Variants in LNP1 observed in about 807,000 individuals in gnomAD.
LNP1 encodes the protein leukemia NUP98 fusion partner 1.
LNP1 carries 12 observed loss-of-function variants against 14.5 expected under a neutral mutation model. That is an observed-to-expected ratio of 0.83 (90% confidence interval 0.53 to 1.34). The LOEUF is 1.34. Ranked by LOEUF, LNP1 falls within the 40% of genes most tolerant of loss-of-function variation. The probability of loss-of-function intolerance (pLI) is 0.00; values close to 1 mark genes in which losing one functional copy is unlikely to be tolerated. For synonymous variants in LNP1, 75 were observed against 71.4 expected, an observed-to-expected ratio of 1.05 and a Z score of -0.26; for missense variants, 198 against 210.9, an observed-to-expected ratio of 0.94 and a Z score of 0.38.
Position 100,401,811 on chromosome 3 carries a change from G to C in LNP1, c.-662G>C, listed in dbSNP as rs567863514. 6.6e-6 allele frequency: 1 copy of C among 152,358 alleles called. No individual in the cohort carries two copies. Among genetic ancestry groups the C allele is most frequent in the African/African-American group, 2.4e-5 (1 of 41,572 alleles). The allele number at this position is 152,358 out of a possible 1,614,324, so 9.4% of individuals were successfully genotyped here. ...CATCTAGGTTGGCTGCAGTCGAAAC[G>C]GTTTGAGCGTGGTCGCTGTGGCTCA... On this transcript the variant is annotated 5_prime_UTR_variant, in exon 1 of 4. Coordinates refer to ENST00000383693, the MANE Select transcript of LNP1 (RefSeq NM_001085451.2).
intron 1 of LNP1, among the ~76,000 whole-genome samples, chr3:100,425,316 T>C (rs1330596607): frequency 6.6e-6 from 1 of 152,238 alleles, no homozygotes; most frequent in African/African-American, 2.4e-5. Context: ...AAGGACTGCC[T>C]GAAGGCAGTT....
intron 1 of LNP1, among the ~76,000 whole-genome samples, chr3:100,415,288 T>C (rs1360922974): frequency 6.6e-6 from 1 of 151,968 alleles, no homozygotes; most frequent in South Asian, 2.1e-4. Context: ...CTCCTATAGA[T>C]CAATAAGAAA....
At chr3:100,424,001 T>C (rs1292257742) in intron 1 of LNP1, among the ~76,000 whole-genome samples, 1 of 152,166 alleles carries the variant, frequency 6.6e-6, no homozygotes, top group African/African-American at 2.4e-5. Flanking sequence ...ACTTGACACT[T>C]TCTGCTAGTG....
chr3:100,439,609 C>T (rs900069954), intron 2 of LNP1, among the ~76,000 whole-genome samples: 2 of 152,146 alleles, frequency 1.3e-5, no homozygotes, highest in African/African-American at 2.4e-5. Flanking sequence ...TCCTCTACCC[C>T]CCTAACACCC....
At position 100,451,802 on chromosome 3, in the gene LNP1, C is replaced by CATTCTCATGAGGACCAAGAATTTCGATTA; in HGVS notation, c.240_241insATTCTCATGAGGACCAAGAATTTCGATTA (p.His81IlefsTer73). ...AGGACCAAGAATTTCGATGCCGTAGCCACGTACGGGATTACAGAAAATACT... is the reference window on the plus strand; with the variant it reads ...AGGACCAAGAATTTCGATGCCGTAGCATTCTCATGAGGACCAAGAATTTCGATTACACGTACGGGATTACAGAAAATACT... On this transcript the variant is annotated frameshift_variant, in exon 3 of 4. Coordinates refer to ENST00000383693, the MANE Select transcript of LNP1 (RefSeq NM_001085451.2). LOFTEE classifies it high-confidence loss of function. 1.4e-6 allele frequency: 1 copy of CATTCTCATGAGGACCAAGAATTTCGATTA among 738,832 alleles called. No homozygotes were observed. The highest frequency in any genetic ancestry group is 4.2e-5 in the Admixed American group (1 of 23,838). The allele number at this position is 738,832 out of a possible 1,614,324, so 45.8% of individuals were successfully genotyped here.
intron 1 of LNP1, among the ~76,000 whole-genome samples, chr3:100,411,034 C>A (rs2148899148): frequency 6.6e-6 from 1 of 152,198 alleles, no homozygotes; most frequent in East Asian, 1.9e-4. Flanking sequence ...GCTGAAGGGG[C>A]AAGGCTACCC....
At chr3:100,447,036 G>A (rs1000315594) in intron 2 of LNP1, among the ~76,000 whole-genome samples, 1 of 152,104 alleles carries the variant, frequency 6.6e-6, no homozygotes, top group Non-Finnish European at 1.5e-5. Flanking sequence ...TGGAAGACAG[G>A]GCGGCAATTC....
intron 1 of LNP1, among the ~76,000 whole-genome samples, chr3:100,408,960 T>G (rs996680905): frequency 3.9e-5 from 6 of 152,340 alleles, no homozygotes; most frequent in Middle Eastern, 3.4e-3. Flanking sequence ...ACATAGATAG[T>G]TGTTCAAATT....
intron 3 of LNP1, 130 bp downstream of exon 3, chr3:100,452,079 A>G (rs1707465517): frequency 3.6e-6 from 2 of 559,298 alleles, no homozygotes; most frequent in African/African-American, 3.8e-5. Flanking sequence ...TCTTTGAAAA[A>G]TGACATTCAG....
chr3:100,451,664 T>C (rs146897663), intron 2 of LNP1, 55 bp from the exon 3 acceptor site: 183 of 868,778 alleles, frequency 2.1e-4, no homozygotes, highest in African/African-American at 1.6e-3. Flanking sequence ...TCTGCCTCTG[T>C]GCTAACATTG....
At chr3:100,433,773 T>C (rs192973538) in intron 2 of LNP1, among the ~76,000 whole-genome samples, 1 of 152,368 alleles carries the variant, frequency 6.6e-6, no homozygotes. Context: ...TGGTGTGAGA[T>C]GGTATCTCAT....
chr3:100,426,087 C>G (rs1486612861), intron 1 of LNP1, among the ~76,000 whole-genome samples: 1 of 152,226 alleles, frequency 6.6e-6, no homozygotes, highest in African/African-American at 2.4e-5. Context: ...GTGCTCTCCC[C>G]TAGCTTGCAG....
chr3:100,438,837 G>A (rs1249521222), intron 2 of LNP1, among the ~76,000 whole-genome samples: 2 of 152,128 alleles, frequency 1.3e-5, no homozygotes, highest in African/African-American at 2.4e-5. Context: ...AGCAACCCAG[G>A]TGCTACAGCG....
intron 2 of LNP1, among the ~76,000 whole-genome samples, chr3:100,450,547 G>T (rs1707428193): frequency 6.6e-6 from 1 of 152,200 alleles, no homozygotes; most frequent in South Asian, 2.1e-4. Flanking sequence ...ATGTTGGCCA[G>T]GCTGGTCTTG....
At position 100,451,823 on chromosome 3, in the gene LNP1, A is replaced by C. The variant is rs1327615182; in HGVS notation, c.261A>C (p.Lys87Asn). Residue 87 changes from lysine to asparagine, a missense_variant, in exon 3 of 4, where the codon AAA becomes AAC. Transcript: ENST00000383693. ...GTAGCCACGTACGGGATTACAGAAA[A>C]TACTCAGAGGATGGGTCATTCAAGG... ...RCRSHVRDYR[K>N]YSEDGSFKEP... 2.9e-6 allele frequency: 3 copies of C among 1,019,702 alleles called. No individual in the cohort carries two copies. Among genetic ancestry groups the C allele is most frequent in the Non-Finnish European group, 3.8e-6 (3 of 791,400 alleles). 63.2% of individuals were successfully genotyped at this position (1,019,702 alleles called of 1,614,324 possible).
At chr3:100,421,052 C>A (rs1346053285) in intron 1 of LNP1, among the ~76,000 whole-genome samples, 2 of 151,874 alleles carry the variant, frequency 1.3e-5, no homozygotes, top group Non-Finnish European at 2.9e-5. Context: ...AGTCACGGCT[C>A]ACTGGAGCCT....
At chr3:100,415,837 A>G (rs1303604187) in intron 1 of LNP1, among the ~76,000 whole-genome samples, 3 of 152,228 alleles carry the variant, frequency 2.0e-5, no homozygotes, top group Admixed American at 6.5e-5. Flanking sequence ...AGCTTCTTCT[A>G]TGACTGCTAT....
At chr3:100,426,084 C>G (rs1436951901) in intron 1 of LNP1, among the ~76,000 whole-genome samples, 6 of 152,224 alleles carry the variant, frequency 3.9e-5, no homozygotes, top group Non-Finnish European at 8.8e-5. Flanking sequence ...GATGTGCTCT[C>G]CCCTAGCTTG....
intron 2 of LNP1, among the ~76,000 whole-genome samples, chr3:100,444,379 T>C (rs1287319638): frequency 1.3e-5 from 2 of 152,204 alleles, no homozygotes; most frequent in African/African-American, 4.8e-5. Context: ...TATAGGAGTT[T>C]CCCATACTTC....
Sources: allele counts gnomAD v4.1 joint callset (sites outside exome capture counted in the v4.1 genomes callset), GRCh38; gene constraint gnomAD v4.1.1; transcripts MANE v1.5; gene names NCBI Gene and HGNC (gene_info 2026-07-23, HGNC 2026-07-21).